Variants in XK observed in about 807,000 individuals in gnomAD.
XK encodes endoplasmic reticulum membrane adapter protein XK.
A neutral mutation model predicts 14.0 loss-of-function variants in XK; 2 were observed. The observed-to-expected ratio is 0.14, with a 90% CI of 0.06 to 0.45. The LOEUF (loss-of-function observed/expected upper bound fraction) is 0.45, where lower values mean the gene tolerates loss of function less well. Among genes scored for constraint, XK ranks in the 20% least tolerant of loss-of-function variants. The pLI is 0.98. For synonymous variants in XK, 149 were observed against 147.5 expected (o/e 1.01, Z -0.08); for missense variants, 235 against 341.5 (o/e 0.69, Z 2.46).
intron 2 of XK, among the ~76,000 whole-genome samples, chrX:37,697,658 T>G (rs989462404): frequency 2.1e-4 from 24 of 112,406 alleles, no homozygotes; most frequent in African/African-American, 6.1e-4. Context: ...ATTGTTTTTC[T>G]TCATTGCAAT....
intron 1 of XK, among the ~76,000 whole-genome samples, chrX:37,686,435 A>G (rs1556440197): frequency 2.7e-5 from 3 of 112,266 alleles, no homozygotes; most frequent in African/African-American, 3.2e-5. Flanking sequence ...GTTCCGTCAA[A>G]TGAAATAGCC....
intron 1 of XK, among the ~76,000 whole-genome samples, chrX:37,688,232 A>AT (rs1385021941): frequency 2.8e-5 from 3 of 106,959 alleles, no homozygotes; most frequent in Admixed American, 1.0e-4. Flanking sequence ...GGCTAATTTT[A>AT]TTTTTTTGTA....
chrX:37,697,417 A>G (rs1927324053), intron 2 of XK, among the ~76,000 whole-genome samples: 1 of 112,033 alleles, frequency 8.9e-6, no homozygotes, highest in Non-Finnish European at 1.9e-5. Context: ...TAGGCAACTG[A>G]CAGTGTCTGC....
intron 2 of XK, among the ~76,000 whole-genome samples, chrX:37,716,910 T>A (rs1556447942): frequency 8.9e-6 from 1 of 112,052 alleles, no homozygotes; most frequent in African/African-American, 3.2e-5. Context: ...GATAGAGGGA[T>A]CTGCTTCTGC....
rs949240940 is a variant in XK at position 37,730,733 on chromosome X, T to G, written c.*2271T>G. 3.6e-5 allele frequency: 4 copies of G among 112,411 alleles called. No homozygotes were observed. Among genetic ancestry groups the G allele is most frequent in the Non-Finnish European group, 7.5e-5 (4 of 53,270 alleles). The allele number at this position is 112,411 out of a possible 1,213,427, so 9.3% of individuals were successfully genotyped here. Reference sequence around the variant, plus strand: ...AGACAAGGATGGAGAGACTGGTTTTTTCCAGCCTTGGTTTGGAAGCTTGTC... The same window carrying G: ...AGACAAGGATGGAGAGACTGGTTTTGTCCAGCCTTGGTTTGGAAGCTTGTC... On this transcript the variant is annotated 3_prime_UTR_variant, in exon 3 of 3. Coordinates refer to ENST00000378616, the MANE Select transcript of XK (RefSeq NM_021083.4).
chrX:37,728,718 G>A lies in XK; in HGVS notation c.*256G>A, dbSNP rs960957942. 1.6e-5 allele frequency: 6 copies of A among 379,064 alleles called. No homozygotes were observed. The South Asian group carries it at 2.0e-4, about 12-fold the overall frequency. 31.2% of individuals were successfully genotyped at this position (379,064 alleles called of 1,213,427 possible). On this transcript the variant is annotated 3_prime_UTR_variant, in exon 3 of 3. Transcript: ENST00000378616. ...ATGTTGTGTTCTTCTAGGCATTACT[G>A]GCCTTTTCACTGACAAGTTACCCCT...
chrX:37,704,276 G>T (rs910040955), intron 2 of XK, among the ~76,000 whole-genome samples: 2 of 112,153 alleles, frequency 1.8e-5, no homozygotes, highest in Non-Finnish European at 3.8e-5. Context: ...GCTCATGCCT[G>T]TAATCCCAGC....
intron 2 of XK, among the ~76,000 whole-genome samples, chrX:37,704,414 G>A (rs781913439): frequency 9.0e-6 from 1 of 111,469 alleles, no homozygotes; most frequent in South Asian, 3.8e-4. Context: ...GTATATAACT[G>A]TAGTCTCAGC....
intron 2 of XK, among the ~76,000 whole-genome samples, chrX:37,694,844 G>T (rs782109445): frequency 3.6e-5 from 4 of 111,908 alleles, no homozygotes; most frequent in Non-Finnish European, 7.5e-5. Context: ...ATGTCTTGTT[G>T]TTCACATGTT....
rs191161401 is a variant in XK at position 37,700,126 on chromosome X, T to A, written c.508+5578T>A. On this transcript the variant is annotated intron_variant, in intron 2 of 2. Transcript: ENST00000378616. ...TCATCCACACCTGTTTTCCTGGTTG[T>A]TATTCTCTAGTATCTGATGGCCAAC... 1.8e-4 allele frequency among the ~76,000 whole-genome samples: 20 copies of A among 111,682 alleles called. No homozygotes were observed. In the East Asian group the frequency reaches 5.1e-3, roughly 28 times the overall value.
At chrX:37,707,047 A>G (rs1927540728) in intron 2 of XK, among the ~76,000 whole-genome samples, 1 of 112,752 alleles carries the variant, frequency 8.9e-6, no homozygotes, top group South Asian at 3.6e-4. Context: ...ACACAGACAC[A>G]GCAACCATCC....
chrX:37,725,440 A>C (rs1373438051), intron 2 of XK, among the ~76,000 whole-genome samples: 1 of 111,953 alleles, frequency 8.9e-6, no homozygotes, highest in Non-Finnish European at 1.9e-5. Flanking sequence ...CACTGACTAC[A>C]GAAAATACTG....
intron 2 of XK, among the ~76,000 whole-genome samples, chrX:37,695,530 A>G (rs1021038571): frequency 1.3e-4 from 14 of 111,847 alleles, no homozygotes; most frequent in African/African-American, 4.2e-4. Flanking sequence ...AAGTATTAAT[A>G]TTATGGGTAA....
At chrX:37,719,196 T>A (rs1344402412) in intron 2 of XK, among the ~76,000 whole-genome samples, 2 of 111,809 alleles carry the variant, frequency 1.8e-5, no homozygotes, top group East Asian at 5.6e-4. Context: ...CTGTCATTAT[T>A]GTTACTCGTT....
chrX:37,694,923 C>A (rs782746945), intron 2 of XK, among the ~76,000 whole-genome samples: 172 of 111,937 alleles, frequency 1.5e-3, no homozygotes, highest in Non-Finnish European at 2.6e-3. Context: ...TGAGTTTGGG[C>A]TTCCTTATAG....
Position 37,711,713 on chromosome X carries a change from C to G in XK, c.509-15923C>G, listed in dbSNP as rs372355051. Among the ~76,000 whole-genome samples, 5 of 111,714 alleles carry G rather than the reference C, an allele frequency of 4.5e-5. No homozygotes were observed. The East Asian group carries it at 1.4e-3, about 31-fold the overall frequency. ...ACCACCTGCACCCGGATGCTTGCCT[C>G]AAGCTCTTCAGTTTGAGAGTAGTCA... On this transcript the variant is annotated intron_variant, in intron 2 of 2. Coordinates refer to ENST00000378616, the MANE Select transcript of XK (RefSeq NM_021083.4).
chrX:37,686,508 C>T (rs782816714), intron 1 of XK, among the ~76,000 whole-genome samples: 1 of 112,273 alleles, frequency 8.9e-6, no homozygotes, highest in African/African-American at 3.2e-5. Context: ...TCATTAAAGA[C>T]ATTGGTTTCT....
chrX:37,687,588 G>A (rs1281456273), intron 1 of XK, among the ~76,000 whole-genome samples: 1 of 110,317 alleles, frequency 9.1e-6, no homozygotes, highest in Non-Finnish European at 1.9e-5. Context: ...TGGAACTCCT[G>A]AGCTGAAATG....
intron 2 of XK, among the ~76,000 whole-genome samples, chrX:37,721,689 C>T (rs1436992242): frequency 9.0e-6 from 1 of 111,537 alleles, no homozygotes; most frequent in Admixed American, 9.5e-5. Flanking sequence ...TACCTAGCAA[C>T]TCCACTTCTA....
Sources: gnomAD v4.1 joint callset for allele counts (sites outside exome capture counted in the v4.1 genomes callset) on GRCh38, gnomAD v4.1.1 for gene constraint, MANE v1.5 for transcripts, NCBI Gene and HGNC (gene_info 2026-07-23, HGNC 2026-07-21) for gene names.